LAMC1: variants seen among roughly 807,000 people sequenced by gnomAD.
LAMC1 encodes the protein laminin subunit gamma-1.
A neutral mutation model predicts 173.6 loss-of-function variants in LAMC1; 38 were observed. The ratio of observed to expected loss-of-function variants is 0.22; its 90% CI spans 0.17 to 0.29. The LOEUF (loss-of-function observed/expected upper bound fraction) is 0.29, where lower values mean the gene tolerates loss of function less well. LAMC1 is among the 10% of genes least tolerant of loss of function. LAMC1 has a pLI of 1.00. For synonymous variants in LAMC1, 746 were observed against 749.1 expected (o/e 1.00, Z 0.07); for missense variants, 1,824 against 2,051.8 (o/e 0.89, Z 2.14).
chr1:183,125,936 G>A (rs1656605874), intron 15 of LAMC1, among the ~76,000 whole-genome samples, 184 bp from the exon 16 acceptor site: 1 of 152,066 alleles, frequency 6.6e-6, no homozygotes, highest in African/African-American at 2.4e-5. Context: ...GTTCTGAATA[G>A]CACTCATGAA....
chr1:183,075,405 C>T (rs538934542), intron 1 of LAMC1, among the ~76,000 whole-genome samples: 4 of 152,208 alleles, frequency 2.6e-5, no homozygotes, highest in East Asian at 1.9e-4. Flanking sequence ...AATGAGCCAC[C>T]GCGCCCAGCG....
intron 1 of LAMC1, among the ~76,000 whole-genome samples, chr1:183,088,251 T>C (rs1655482573): frequency 6.6e-6 from 1 of 152,242 alleles, no homozygotes; most frequent in South Asian, 2.1e-4. Flanking sequence ...CGTCTTGTTT[T>C]AGAATTCTAG....
chr1:183,101,183 A>G (rs1655825491), intron 1 of LAMC1, among the ~76,000 whole-genome samples: 1 of 152,076 alleles, frequency 6.6e-6, no homozygotes. Context: ...ATAATCTATA[A>G]TCTACAGACT....
At chr1:183,097,429 T>C (rs1365021817) in intron 1 of LAMC1, among the ~76,000 whole-genome samples, 2 of 152,336 alleles carry the variant, frequency 1.3e-5, no homozygotes, top group East Asian at 3.9e-4. Flanking sequence ...TGAACTAGTT[T>C]TCTTTTTCTA....
At chr1:183,107,992 A>G (rs866706142) in intron 2 of LAMC1, among the ~76,000 whole-genome samples, 1 of 152,254 alleles carries the variant, frequency 6.6e-6, no homozygotes, top group Non-Finnish European at 1.5e-5. Flanking sequence ...TATGCTGCAC[A>G]TTATATTTTA....
At chr1:183,072,845 G>A (rs375421151) in intron 1 of LAMC1, among the ~76,000 whole-genome samples, 3 of 152,198 alleles carry the variant, frequency 2.0e-5, no homozygotes, top group East Asian at 1.9e-4. Context: ...TCTAGGTTGC[G>A]TGCTCTTTAT....
chr1:183,126,134 C>A lies in LAMC1; in HGVS notation c.2816C>A (p.Ala939Asp). ...TTCATTTTCAGGTGTGACTGCCATGCCTTGGGCTCCACCAATGGGCAGTGT... is the reference window on the plus strand; with the variant it reads ...TTCATTTTCAGGTGTGACTGCCATGACTTGGGCTCCACCAATGGGCAGTGT... Reference protein sequence around the residue: ...GQGCERCDCHALGSTNGQCDI... With the variant: ...GQGCERCDCHDLGSTNGQCDI... The change falls in exon 16 of 28, where the codon GCC becomes GAC. Residue 939 changes from alanine to aspartate, a missense_variant. Physicochemically the swap from Ala to Asp is moderately radical, Grantham distance 126. Transcript: ENST00000258341. 1 of 1,613,936 alleles carries A rather than the reference C, an allele frequency of 6.2e-7. No individual in the cohort carries two copies. The highest frequency in any genetic ancestry group is 8.5e-7 in the Non-Finnish European group (1 of 1,179,976).
At position 183,108,772 on chromosome 1, in the gene LAMC1, C is replaced by G. The variant is rs185670341; in HGVS notation, c.854+366C>G. On this transcript the variant is annotated intron_variant, in intron 3 of 27. Transcript: ENST00000258341. ...AGTCCTGACCTTCTTGGATCTTACA[C>G]ATGAACAGGGTAGGCAATGTATGAA... Among the ~76,000 whole-genome samples the G allele has an allele frequency of 1.4e-3, 212 of 152,320 alleles. 1 individual carries two copies. Among genetic ancestry groups the G allele is most frequent in the Admixed American group, 3.5e-3 (54 of 15,294 alleles).
chr1:183,049,409 CTTGAT>C (rs1654349742), intron 1 of LAMC1, among the ~76,000 whole-genome samples: 1 of 150,964 alleles, frequency 6.6e-6, no homozygotes, highest in Admixed American at 6.6e-5. Context: ...ATACCATATT[CTTGAT>C]TTATTTTCTT....
chr1:183,109,192 C>T (rs1287312676), intron 3 of LAMC1, among the ~76,000 whole-genome samples: 1 of 152,070 alleles, frequency 6.6e-6, no homozygotes, highest in African/African-American at 2.4e-5. Flanking sequence ...ACATTGTTTC[C>T]GGTATGGGAT....
intron 1 of LAMC1, among the ~76,000 whole-genome samples, chr1:183,040,528 G>A (rs567470213): frequency 6.6e-6 from 1 of 152,194 alleles, no homozygotes; most frequent in East Asian, 1.9e-4. Flanking sequence ...TAAAAATCAG[G>A]GTATTAAATC....
intron 1 of LAMC1, among the ~76,000 whole-genome samples, chr1:183,071,740 C>T (rs527485924): frequency 6.6e-6 from 1 of 152,264 alleles, no homozygotes; most frequent in Admixed American, 6.5e-5. Context: ...GATTTCACTG[C>T]CTAACATGAC....
chr1:183,077,692 A>G (rs1433892026), intron 1 of LAMC1, among the ~76,000 whole-genome samples: 1 of 151,156 alleles, frequency 6.6e-6, no homozygotes, highest in East Asian at 2.0e-4. Flanking sequence ...ACTTAGAATA[A>G]GAGTCTTCAG....
chr1:183,068,898 C>T (rs12040114), intron 1 of LAMC1, among the ~76,000 whole-genome samples: 15,823 of 151,794 alleles, frequency 0.1, 1,017 homozygotes, highest in Admixed American at 0.2. Flanking sequence ...GCCGAGATCG[C>T]GCCACTGCAC....
chr1:183,099,016 T>C (rs1655765413), intron 1 of LAMC1, among the ~76,000 whole-genome samples: 1 of 152,190 alleles, frequency 6.6e-6, no homozygotes, highest in South Asian at 2.1e-4. Context: ...CCTTCTCCTC[T>C]TCTTTAGGCA....
At chr1:183,036,628 T>G (rs1653991537) in intron 1 of LAMC1, among the ~76,000 whole-genome samples, 1 of 152,022 alleles carries the variant, frequency 6.6e-6, no homozygotes, top group Non-Finnish European at 1.5e-5. Context: ...CGACCTCAAG[T>G]GATCCGCCCG....
Position 183,030,892 on chromosome 1 carries a change from G to A in LAMC1, c.418+6758G>A, listed in dbSNP as rs189130461. ...TTCAGCTACTTGGGAGGCTGAGGCAGAGGGATCATTCGAGCTAAGAAGTTT... is the reference window on the plus strand; with the variant it reads ...TTCAGCTACTTGGGAGGCTGAGGCAAAGGGATCATTCGAGCTAAGAAGTTT... On this transcript the variant is annotated intron_variant, in intron 1 of 27. Coordinates refer to ENST00000258341, the MANE Select transcript of LAMC1 (RefSeq NM_002293.4). Among the ~76,000 whole-genome samples the A allele has an allele frequency of 2.6e-5, 4 of 152,284 alleles. No homozygotes were observed. In the East Asian group the frequency reaches 7.7e-4, roughly 29 times the overall value.
intron 4 of LAMC1, among the ~76,000 whole-genome samples, chr1:183,111,113 G>A (rs1656138595): frequency 7.1e-6 from 1 of 140,198 alleles, no homozygotes. Context: ...TTTTTTTTGA[G>A]ACTGAGTCTC....
intron 1 of LAMC1, among the ~76,000 whole-genome samples, chr1:183,036,099 T>G (rs1653973446): frequency 2.3e-5 from 1 of 42,956 alleles, no homozygotes; most frequent in Non-Finnish European, 6.6e-5. Flanking sequence ...ATGAATTCTT[T>G]TTTTTTTTTT....
Sources: gnomAD v4.1 joint callset for allele counts (sites outside exome capture counted in the v4.1 genomes callset) on GRCh38, gnomAD v4.1.1 for gene constraint, MANE v1.5 for transcripts, NCBI Gene and HGNC (gene_info 2026-07-23, HGNC 2026-07-21) for gene names.